ATP8B4: variants seen among roughly 807,000 people sequenced by gnomAD.
ATP8B4 encodes the protein probable phospholipid-transporting ATPase IM.
Under a neutral mutation model 145.6 loss-of-function variants are expected in ATP8B4, and 133 were observed. The ratio of observed to expected loss-of-function variants is 0.91; its 90% CI spans 0.79 to 1.05. The LOEUF is 1.05. Among genes scored for constraint, ATP8B4 ranks in the 50% least tolerant of loss-of-function variants. The pLI is 0.00. For synonymous variants in ATP8B4, 507 were observed against 492.9 expected (o/e 1.03, Z -0.38); for missense variants, 1,458 against 1,425.2 (o/e 1.02, Z -0.37).
At chr15:50,127,307 A>G (rs2057313990) in intron 1 of ATP8B4, among the ~76,000 whole-genome samples, 1 of 152,196 alleles carries the variant, frequency 6.6e-6, no homozygotes, top group African/African-American at 2.4e-5. Context: ...CTCACTGCAA[A>G]TCAATCCCAG....
chr15:50,169,600 G>C (rs568803017), intron 1 of ATP8B4, among the ~76,000 whole-genome samples: 2 of 152,244 alleles, frequency 1.3e-5, no homozygotes, highest in Admixed American at 6.5e-5. Flanking sequence ...ACCAACCCTG[G>C]TAATATGACA....
intron 6 of ATP8B4, among the ~76,000 whole-genome samples, chr15:50,032,251 T>C (rs528564531): frequency 1.3e-5 from 2 of 152,184 alleles, no homozygotes; most frequent in South Asian, 4.2e-4. Context: ...GTTCTCATTG[T>C]TCAACTCCCA....
At chr15:49,925,179 A>G (rs1024258461) in intron 16 of ATP8B4, among the ~76,000 whole-genome samples, 1 of 152,144 alleles carries the variant, frequency 6.6e-6, no homozygotes, top group African/African-American at 2.4e-5. Flanking sequence ...TTATAACACT[A>G]GTTACTATAA....
intron 14 of ATP8B4, among the ~76,000 whole-genome samples, chr15:49,959,572 C>CA (rs1303342928): frequency 2.6e-5 from 4 of 151,812 alleles, no homozygotes; most frequent in African/African-American, 2.4e-5. Context: ...GGAAACCCCA[C>CA]AAAAAAGACT....
At chr15:49,983,806 C>T (rs574428936) in intron 10 of ATP8B4, among the ~76,000 whole-genome samples, 1 of 152,208 alleles carries the variant, frequency 6.6e-6, no homozygotes, top group Non-Finnish European at 1.5e-5. Context: ...CCATATCCAT[C>T]CCTATCCTCT....
At chr15:49,977,776 T>C (rs1159231419) in intron 12 of ATP8B4, among the ~76,000 whole-genome samples, 1 of 152,172 alleles carries the variant, frequency 6.6e-6, no homozygotes, top group Admixed American at 6.6e-5. Context: ...TATACTGATA[T>C]CAAATATATA....
intron 23 of ATP8B4, among the ~76,000 whole-genome samples, chr15:49,886,691 A>G (rs758518532): frequency 6.6e-6 from 1 of 152,212 alleles, no homozygotes; most frequent in Non-Finnish European, 1.5e-5. Flanking sequence ...TTTTTATCTC[A>G]GGCTCTACCA....
chr15:49,924,455 A>G (rs1372854298), intron 16 of ATP8B4, among the ~76,000 whole-genome samples: 4 of 152,190 alleles, frequency 2.6e-5, no homozygotes, highest in Admixed American at 1.3e-4. Flanking sequence ...AGATCATTAC[A>G]TGCTTTCTAC....
At chr15:50,123,353 T>A (rs2057285820), upstream of ATP8B4, among the ~76,000 whole-genome samples, 1 of 152,182 alleles carries the variant, frequency 6.6e-6, no homozygotes, top group African/African-American at 2.4e-5. Flanking sequence ...AACCCCCTTC[T>A]TACCTAGGGA....
At chr15:49,953,058 G>C (rs1276527114) in intron 14 of ATP8B4, among the ~76,000 whole-genome samples, 2 of 152,044 alleles carry the variant, frequency 1.3e-5, no homozygotes, top group Non-Finnish European at 2.9e-5. Flanking sequence ...AAGGAGGCTG[G>C]AGAGCAGCAA....
chr15:50,160,599 T>G (rs2044503524), intron 1 of ATP8B4, among the ~76,000 whole-genome samples: 1 of 152,058 alleles, frequency 6.6e-6, no homozygotes, highest in Non-Finnish European at 1.5e-5. Context: ...TTTCAAGAAA[T>G]TTTTCAATTT....
chr15:49,919,171 CTTA>C (rs1566988621), intron 18 of ATP8B4, among the ~76,000 whole-genome samples: 1 of 152,074 alleles, frequency 6.6e-6, no homozygotes, highest in Non-Finnish European at 1.5e-5. Flanking sequence ...GATCTTGGGA[CTTA>C]TTATTTACTT....
chr15:50,029,314 A>G (rs1031597940), intron 6 of ATP8B4, among the ~76,000 whole-genome samples: 1 of 151,730 alleles, frequency 6.6e-6, no homozygotes, highest in Admixed American at 6.6e-5. Context: ...GAATTCCAAA[A>G]TCAAAGTGTT....
intron 6 of ATP8B4, among the ~76,000 whole-genome samples, chr15:50,023,024 G>T (rs1337703228): frequency 6.6e-6 from 1 of 152,076 alleles, no homozygotes; most frequent in Non-Finnish European, 1.5e-5. Context: ...AAAACTTTCT[G>T]CCAGAAAGTT....
intron 6 of ATP8B4, among the ~76,000 whole-genome samples, chr15:50,016,009 A>G (rs2049061486): frequency 6.6e-6 from 1 of 152,172 alleles, no homozygotes; most frequent in South Asian, 2.1e-4. Flanking sequence ...TAGTTTAACA[A>G]TTTGCTGAGA....
chr15:50,022,019 G>C (rs1183131283), intron 6 of ATP8B4, among the ~76,000 whole-genome samples: 4 of 152,178 alleles, frequency 2.6e-5, no homozygotes, highest in African/African-American at 9.6e-5. Context: ...GGTAAGGACA[G>C]GATGAATCAT....
chr15:50,012,530 A>G (rs1171679460), intron 6 of ATP8B4, among the ~76,000 whole-genome samples: 1 of 152,164 alleles, frequency 6.6e-6, no homozygotes, highest in Non-Finnish European at 1.5e-5. Context: ...CTACTTCATC[A>G]ATAACCTTTA....
rs563880989 is a variant in ATP8B4 at position 50,117,643 on chromosome 15, C to T, written c.-43+1480G>A. On this transcript the variant is annotated intron_variant, in intron 1 of 27. Transcript: ENST00000284509. ...AGATCCACCATATGATCCAGCAATC[C>T]CACTTCTGGGAATACATCCAAAAGA... Among the ~76,000 whole-genome samples the T allele has an allele frequency of 3.9e-5, 6 of 152,222 alleles. No homozygotes were observed. In the South Asian group the frequency reaches 1.2e-3, roughly 32 times the overall value.
chr15:50,078,193 C>G (rs4517729), intron 2 of ATP8B4, among the ~76,000 whole-genome samples: 131,368 of 150,440 alleles, frequency 0.87, 57,597 homozygotes, highest in East Asian at 0.98. Flanking sequence ...TTTTTTTTGA[C>G]ATTGTGCCAC....
Sources: allele counts gnomAD v4.1 joint callset (sites outside exome capture counted in the v4.1 genomes callset), GRCh38; gene constraint gnomAD v4.1.1; transcripts MANE v1.5; gene names NCBI Gene and HGNC (gene_info 2026-07-23, HGNC 2026-07-21).